Variants in PTPDC1 observed in about 807,000 individuals in gnomAD.
PTPDC1 encodes the protein protein tyrosine phosphatase domain containing 1.
Under a neutral mutation model 75.3 loss-of-function variants are expected in PTPDC1, and 53 were observed. That is an observed-to-expected ratio of 0.70 (90% CI 0.56 to 0.88). The LOEUF (loss-of-function observed/expected upper bound fraction) is 0.88. PTPDC1 is among the 40% of genes least tolerant of loss of function. The probability of loss-of-function intolerance (pLI) is 0.00; values close to 1 mark genes in which losing one functional copy is unlikely to be tolerated. For synonymous variants in PTPDC1, 349 were observed against 366.2 expected (o/e 0.95, Z 0.54); for missense variants, 925 against 998.6 (o/e 0.93, Z 0.99).
intron 1 of PTPDC1, among the ~76,000 whole-genome samples, chr9:94,061,841 C>T (rs1444063796): frequency 6.6e-6 from 1 of 152,260 alleles, no homozygotes; most frequent in Non-Finnish European, 1.5e-5. Flanking sequence ...GAGGGGCTAC[C>T]TGGAAGGTCT....
At chr9:94,088,434 G>A (rs1418816701) in intron 4 of PTPDC1, among the ~76,000 whole-genome samples, 171 bp downstream of exon 4, 2 of 152,168 alleles carry the variant, frequency 1.3e-5, no homozygotes, top group Non-Finnish European at 2.9e-5. Context: ...GAAAGTAAAG[G>A]ATTTCTTTGT....
intron 2 of PTPDC1, among the ~76,000 whole-genome samples, chr9:94,065,471 A>G (rs1184094752): frequency 6.6e-6 from 1 of 152,228 alleles, no homozygotes; most frequent in East Asian, 1.9e-4. Flanking sequence ...CTTTAGTCCT[A>G]CTGTATGGAG....
intron 1 of PTPDC1, among the ~76,000 whole-genome samples, chr9:94,047,692 G>C (rs566194297): frequency 3.6e-4 from 53 of 145,968 alleles, no homozygotes; most frequent in African/African-American, 1.3e-3. Context: ...AAGAAGAAAA[G>C]AGAGAAGAAT....
chr9:94,087,936 G>A (rs369816434), intron 3 of PTPDC1, 25 bp downstream of exon 3: 17 of 1,590,016 alleles, frequency 1.1e-5, no homozygotes, highest in African/African-American at 8.1e-5. Context: ...GTTCACACAC[G>A]AGTGAGCAAA....
chr9:94,108,036 C>T lies in PTPDC1; in HGVS notation c.*92C>T. The T allele has an allele frequency of 1.8e-6, 1 of 557,302 alleles. No individual in the cohort carries two copies. The highest frequency in any genetic ancestry group is 2.9e-6 in the Non-Finnish European group (1 of 344,254). The allele number at this position is 557,302 out of a possible 1,614,324, so 34.5% of individuals were successfully genotyped here. ...GTTGAAGATTGTGGGGCTACTTTTT[C>T]TCATAGCACTTTATTTTGAATGTTG... On this transcript the variant is annotated 3_prime_UTR_variant, in exon 9 of 9. Transcript: ENST00000620992.
intron 1 of PTPDC1, among the ~76,000 whole-genome samples, chr9:94,050,816 G>T (rs1825765071): frequency 6.6e-6 from 1 of 152,228 alleles, no homozygotes; most frequent in Non-Finnish European, 1.5e-5. Flanking sequence ...CAGAGGTGGA[G>T]TCTACAGAGG....
At chr9:94,045,743 A>C (rs1825576608) in intron 1 of PTPDC1, among the ~76,000 whole-genome samples, 1 of 152,138 alleles carries the variant, frequency 6.6e-6, no homozygotes, top group South Asian at 2.1e-4. Flanking sequence ...TCTGGATATT[A>C]GCCCTTTGTC....
chr9:94,045,297 T>A (rs968938499), intron 1 of PTPDC1, among the ~76,000 whole-genome samples: 2 of 152,172 alleles, frequency 1.3e-5, no homozygotes, highest in Non-Finnish European at 2.9e-5. Context: ...AGTGCCGCAG[T>A]AAACATACGT....
In PTPDC1 at chr9:94,068,398, A is replaced by AT. The variant is rs539913706; in HGVS notation, c.82+3587dup. Among the ~76,000 whole-genome samples, 72 of 149,412 alleles carry AT rather than the reference A, an allele frequency of 4.8e-4. 1 individual carries two copies. The highest frequency in any genetic ancestry group is 1.5e-3 in the African/African-American group (60 of 40,810). ...TTAACATTTTTTAAGATTATAGACA[A>AT]TTTTTTTTTTGTAACATGTTCCTCA... is the stretch of plus-strand genomic sequence containing the variant. On this transcript the variant is annotated intron_variant, in intron 2 of 9. Transcript: ENST00000375360.
upstream of PTPDC1, among the ~76,000 whole-genome samples, chr9:94,083,388 A>G (rs1178302810): frequency 1.3e-5 from 2 of 152,174 alleles, no homozygotes; most frequent in African/African-American, 4.8e-5. Flanking sequence ...TTATTCGACA[A>G]AAGTGCACAT....
intron 7 of PTPDC1, among the ~76,000 whole-genome samples, chr9:94,102,081 G>C (rs556145174): frequency 3.8e-4 from 58 of 152,184 alleles, no homozygotes; most frequent in African/African-American, 1.3e-3. Context: ...TTATAACATA[G>C]CTATTTTCCT....
chr9:94,060,940 G>A (rs555725049), intron 1 of PTPDC1, among the ~76,000 whole-genome samples: 6 of 152,048 alleles, frequency 3.9e-5, no homozygotes, highest in South Asian at 2.1e-4. Context: ...TCCTTCTCAC[G>A]TTGCAAAATA....
intron 4 of PTPDC1, among the ~76,000 whole-genome samples, chr9:94,095,116 T>G (rs533851533): frequency 6.6e-6 from 1 of 152,376 alleles, no homozygotes; most frequent in Admixed American, 6.5e-5. Context: ...AGGAAATGTC[T>G]TAAGTAACAT....
chr9:94,070,937 C>A (rs1826495342), intron 2 of PTPDC1, among the ~76,000 whole-genome samples: 1 of 152,100 alleles, frequency 6.6e-6, no homozygotes, highest in African/African-American at 2.4e-5. Flanking sequence ...TGGATTCTTT[C>A]CAGTTTGGGG....
chr9:94,050,528 G>A (rs1457928728), intron 1 of PTPDC1, among the ~76,000 whole-genome samples: 1 of 152,186 alleles, frequency 6.6e-6, no homozygotes, highest in Non-Finnish European at 1.5e-5. Context: ...GCAGAACAGC[G>A]ATATTGCTGA....
rs574664026 is a variant in PTPDC1 at position 94,094,442 on chromosome 9, T to C, written c.617-875T>C. ...GGAGGCAGTCTGCCCGTTCTCAGAT[T>C]TCCAGCTGCGTGCTGGGAGAACCAC... On this transcript the variant is annotated intron_variant, in intron 4 of 8. Transcript: ENST00000620992. Among the ~76,000 whole-genome samples, 154 of 152,160 alleles carry C rather than the reference T, an allele frequency of 1.0e-3. 2 individuals are homozygous for C. Among genetic ancestry groups the C allele is most frequent in the Admixed American group, 5.6e-3 (85 of 15,254 alleles).
intron 8 of PTPDC1, among the ~76,000 whole-genome samples, chr9:94,105,403 C>T (rs867933143): frequency 3.9e-5 from 6 of 152,258 alleles, no homozygotes; most frequent in African/African-American, 4.8e-5. Context: ...GGAGTGGTGG[C>T]TTACGCCTGT....
At chr9:94,059,399 T>C (rs1826060513) in intron 1 of PTPDC1, among the ~76,000 whole-genome samples, 2 of 152,300 alleles carry the variant, frequency 1.3e-5, no homozygotes, top group South Asian at 4.1e-4. Context: ...TTAACTAATT[T>C]ACATAGAGGG....
intron 1 of PTPDC1, among the ~76,000 whole-genome samples, chr9:94,047,211 G>T (rs910679620): frequency 3.9e-5 from 6 of 152,142 alleles, no homozygotes; most frequent in African/African-American, 1.4e-4. Context: ...GATCATGGTG[G>T]ATAAGCTTTT....
Sources: gnomAD v4.1 joint callset for allele counts (sites outside exome capture counted in the v4.1 genomes callset) on GRCh38, gnomAD v4.1.1 for gene constraint, MANE v1.5 for transcripts, NCBI Gene and HGNC (gene_info 2026-07-23, HGNC 2026-07-21) for gene names.